The following EXOC6B variants were observed in gnomAD, a reference collection of about 807,000 sequenced individuals.
EXOC6B encodes the protein SEC15 homolog B.
A neutral mutation model predicts 113.5 loss-of-function variants in EXOC6B; 54 were observed. The observed-to-expected ratio is 0.48, with a 90% CI of 0.38 to 0.60. The LOEUF (loss-of-function observed/expected upper bound fraction) is 0.60. EXOC6B is among the 20% of genes least tolerant of loss of function. The probability of loss-of-function intolerance (pLI) is 0.00; values close to 1 mark genes in which losing one functional copy is unlikely to be tolerated. For synonymous variants in EXOC6B, 357 were observed against 339.0 expected, an observed-to-expected ratio of 1.05 and a Z score of -0.58; for missense variants, 797 against 977.5, an observed-to-expected ratio of 0.82 and a Z score of 2.46.
chr2:72,571,054 C>T (rs1314603661), intron 7 of EXOC6B, among the ~76,000 whole-genome samples: 1 of 152,154 alleles, frequency 6.6e-6, no homozygotes, highest in Non-Finnish European at 1.5e-5. Context: ...ATCTTGAGGG[C>T]TTCCTTGCAT....
intron 20 of EXOC6B, among the ~76,000 whole-genome samples, chr2:72,333,994 A>G (rs778770203): frequency 6.6e-6 from 1 of 152,126 alleles, no homozygotes; most frequent in Non-Finnish European, 1.5e-5. Flanking sequence ...TTCAGAATGC[A>G]AACTATGTCA....
intron 18 of EXOC6B, among the ~76,000 whole-genome samples, chr2:72,440,281 G>A (rs1312589210): frequency 2.6e-5 from 4 of 152,156 alleles, no homozygotes; most frequent in Non-Finnish European, 5.9e-5. Flanking sequence ...AAGAAAAAAT[G>A]TTAAGGACAG....
intron 19 of EXOC6B, among the ~76,000 whole-genome samples, chr2:72,365,268 G>T (rs1690551659): frequency 6.6e-6 from 1 of 150,762 alleles, no homozygotes; most frequent in Non-Finnish European, 1.5e-5. Flanking sequence ...TAAAAATCTT[G>T]AAAAGTATTC....
At chr2:72,245,495 G>A (rs1424057066) in intron 20 of EXOC6B, among the ~76,000 whole-genome samples, 2 of 152,138 alleles carry the variant, frequency 1.3e-5, no homozygotes, top group African/African-American at 4.8e-5. Flanking sequence ...AAAGAAATGA[G>A]CTATCTAGCC....
At chr2:72,764,039 C>T (rs112277409) in intron 1 of EXOC6B, among the ~76,000 whole-genome samples, 1 of 151,768 alleles carries the variant, frequency 6.6e-6, no homozygotes, top group Admixed American at 6.6e-5. Context: ...TGATTGTACC[C>T]CTGCACTCCA....
At chr2:72,447,081 C>A (rs1292799124) in intron 18 of EXOC6B, among the ~76,000 whole-genome samples, 2 of 149,936 alleles carry the variant, frequency 1.3e-5, no homozygotes, top group Non-Finnish European at 3.0e-5. Context: ...TCTAGTCTGG[C>A]GACAGAGTGA....
chr2:72,204,473 G>A (rs1490102014), intron 20 of EXOC6B, among the ~76,000 whole-genome samples: 2 of 151,756 alleles, frequency 1.3e-5, no homozygotes, highest in Non-Finnish European at 2.9e-5. Context: ...CAAGATTAGC[G>A]TGAGCACAAC....
intron 1 of EXOC6B, among the ~76,000 whole-genome samples, chr2:72,780,926 G>GA (rs575447443): frequency 2.1e-4 from 32 of 150,608 alleles, no homozygotes; most frequent in African/African-American, 3.2e-4. Context: ...TTACACTAAG[G>GA]AAAAAAAAAC....
intron 7 of EXOC6B, among the ~76,000 whole-genome samples, chr2:72,573,317 C>A (rs1361198380): frequency 6.6e-6 from 1 of 152,176 alleles, no homozygotes; most frequent in Non-Finnish European, 1.5e-5. Flanking sequence ...CCATCTTGTT[C>A]ATGGGTACTC....
chr2:72,370,319 C>G (rs1393441230), intron 19 of EXOC6B, among the ~76,000 whole-genome samples: 1 of 152,188 alleles, frequency 6.6e-6, no homozygotes, highest in Non-Finnish European at 1.5e-5. Flanking sequence ...GAGATACCAT[C>G]TCACACCAGT....
In EXOC6B at chr2:72,657,225, C is replaced by CTTT. The variant is rs70963135; in HGVS notation, c.669+60875_669+60877dup. On this transcript the variant is annotated intron_variant, in intron 6 of 21. Coordinates refer to ENST00000272427, the MANE Select transcript of EXOC6B (RefSeq NM_015189.3). The stretch of plus-strand genomic sequence containing the variant: ...TACTTAACCATATTACCACAACTGT[C>CTTT]TTTTTTTTTTTTTTTTTTGAGATGG... Among the ~76,000 whole-genome samples, 35 of 120,058 alleles carry CTTT rather than the reference C, an allele frequency of 2.9e-4. 1 individual carries two copies. Among genetic ancestry groups the CTTT allele is most frequent in the Middle Eastern group, 5.4e-3 (1 of 186 alleles). The allele number at this position is 120,058 out of a possible 152,430, so 78.8% of individuals were successfully genotyped here. A position where few individuals can be genotyped will look rare whatever the true frequency, so the allele number is the denominator to read the frequency against.
chr2:72,274,763 T>C (rs1684710817), intron 20 of EXOC6B, among the ~76,000 whole-genome samples: 1 of 152,170 alleles, frequency 6.6e-6, no homozygotes, highest in Admixed American at 6.6e-5. Flanking sequence ...TTATTCTTTG[T>C]TTATTAAGCC....
intron 8 of EXOC6B, among the ~76,000 whole-genome samples, chr2:72,549,275 G>C (rs909922079): frequency 2.0e-5 from 3 of 152,214 alleles, no homozygotes; most frequent in South Asian, 4.1e-4. Flanking sequence ...ATATATATCA[G>C]ATTTGTATGT....
chr2:72,275,369 A>C (rs185955422), intron 20 of EXOC6B, among the ~76,000 whole-genome samples: 1 of 152,156 alleles, frequency 6.6e-6, no homozygotes, highest in Non-Finnish European at 1.5e-5. Context: ...GCAACACTTC[A>C]TGGCTCACAG....
chr2:72,738,888 C>T (rs1028121965), intron 2 of EXOC6B, among the ~76,000 whole-genome samples: 1 of 152,046 alleles, frequency 6.6e-6, no homozygotes, highest in African/African-American at 2.4e-5. Context: ...AGGCATAAGG[C>T]ACAAGAATGA....
intron 6 of EXOC6B, among the ~76,000 whole-genome samples, chr2:72,666,007 C>T (rs1054132471): frequency 6.6e-6 from 1 of 152,014 alleles, no homozygotes; most frequent in African/African-American, 2.4e-5. Context: ...GTCTATTATA[C>T]AAATGGAAAA....
At chr2:72,268,121 G>A (rs1306603660) in intron 20 of EXOC6B, among the ~76,000 whole-genome samples, 1 of 151,966 alleles carries the variant, frequency 6.6e-6, no homozygotes, top group Non-Finnish European at 1.5e-5. Context: ...GTTTTGTTTT[G>A]TTTTTTTGAG....
chr2:72,508,184 A>AAAAAAAAAAACAC (rs923877882), intron 11 of EXOC6B, among the ~76,000 whole-genome samples: 1 of 89,114 alleles, frequency 1.1e-5, no homozygotes, highest in African/African-American at 6.7e-5. Flanking sequence ...AAAAAAAAAA[A>AAAAAAAAAAACAC]ACACCTAAAA....
chr2:72,548,972 A>T (rs1394755765), intron 8 of EXOC6B, among the ~76,000 whole-genome samples: 3 of 152,160 alleles, frequency 2.0e-5, no homozygotes, highest in Non-Finnish European at 4.4e-5. Flanking sequence ...AGATCGCGCC[A>T]CTGCACTCCA....
Sources: gnomAD v4.1 joint callset for allele counts (sites outside exome capture counted in the v4.1 genomes callset) on GRCh38, gnomAD v4.1.1 for gene constraint, MANE v1.5 for transcripts, NCBI Gene and HGNC (gene_info 2026-07-23, HGNC 2026-07-21) for gene names.